MYO1D: variants seen among roughly 807,000 people sequenced by gnomAD.
MYO1D encodes the protein unconventional myosin-Id.
A neutral mutation model predicts 122.0 loss-of-function variants in MYO1D; 83 were observed. The observed-to-expected ratio is 0.68, with a 90% confidence interval of 0.57 to 0.82. MYO1D has a LOEUF of 0.82. Among genes scored for constraint, MYO1D ranks in the 40% least tolerant of loss-of-function variants. The pLI is 0.00. For missense variants in MYO1D, 1,157 were observed against 1,269.5 expected (o/e 0.91, Z 1.35); for synonymous variants, 464 against 446.9 (o/e 1.04, Z -0.48).
rs201872021 is a variant in MYO1D at position 32,498,497 on chromosome 17, G to A, written c.2865-3582C>T. 7.2e-5 allele frequency: 11 copies of A among 152,248 alleles called. No individual in the cohort carries two copies. In the East Asian group the frequency reaches 2.1e-3, roughly 29 times the overall value. 9.4% of individuals were successfully genotyped at this position (152,248 alleles called of 1,614,324 possible). A position where few individuals can be genotyped will look rare whatever the true frequency, so the allele number is the denominator to read the frequency against. On this transcript the variant is annotated intron_variant, in intron 21 of 21. Transcript: ENST00000318217. ...AACCATCAAACCATCTACCCTCCAG[G>A]TGCTCCACAAGGACTGACTCCACCC...
At chr17:32,785,137 C>T (rs2090280823) in intron 1 of MYO1D, among the ~76,000 whole-genome samples, 1 of 152,062 alleles carries the variant, frequency 6.6e-6, no homozygotes, top group South Asian at 2.1e-4. Context: ...ACCTACTGAA[C>T]ATAAGGGACA....
chr17:32,509,637 T>C (rs952917228), intron 21 of MYO1D, among the ~76,000 whole-genome samples: 5 of 151,714 alleles, frequency 3.3e-5, no homozygotes, highest in African/African-American at 9.7e-5. Flanking sequence ...CAGGCTGGAG[T>C]GCAGTGGTGC....
chr17:32,548,384 C>T lies in MYO1D; in HGVS notation c.2865-53469G>A, dbSNP rs556991183. ...AGGAGGTTGCAATGAGCCAAGATCGCGCCACTGCACTCCAGCCTGGGTGAC... is the reference window on the plus strand; with the variant it reads ...AGGAGGTTGCAATGAGCCAAGATCGTGCCACTGCACTCCAGCCTGGGTGAC... On this transcript the variant is annotated intron_variant, in intron 21 of 21. Coordinates refer to ENST00000318217, the MANE Select transcript of MYO1D (RefSeq NM_015194.3). 3.4e-5 allele frequency among the ~76,000 whole-genome samples: 5 copies of T among 148,816 alleles called. No individual in the cohort carries two copies. In the South Asian group the frequency reaches 6.4e-4, roughly 19 times the overall value.
intron 21 of MYO1D, among the ~76,000 whole-genome samples, chr17:32,512,714 C>T (rs79351851): frequency 4.8e-3 from 738 of 152,328 alleles, no homozygotes; most frequent in Non-Finnish European, 8.5e-3. Flanking sequence ...CCTGGTGTAC[C>T]AGGGCTGAAG....
chr17:32,501,192 G>A (rs974099025), intron 21 of MYO1D, among the ~76,000 whole-genome samples: 2 of 152,170 alleles, frequency 1.3e-5, no homozygotes, highest in Non-Finnish European at 2.9e-5. Flanking sequence ...ACAGCCTTGT[G>A]ATGTGATGAT....
intron 7 of MYO1D, 27 bp from the exon 8 acceptor site, chr17:32,765,108 CATT>C (rs781013899): frequency 6.6e-7 from 1 of 1,519,334 alleles, no homozygotes; most frequent in Middle Eastern, 2.2e-4. Context: ...AAAAATAACA[CATT>C]ATGAAACATT....
intron 16 of MYO1D, among the ~76,000 whole-genome samples, chr17:32,696,686 C>T (rs796614831): frequency 6.6e-5 from 10 of 152,234 alleles, no homozygotes; most frequent in African/African-American, 2.2e-4. Context: ...TGTTTGCTTG[C>T]TAGTTACCCA....
At chr17:32,783,792 T>A (rs1437903897) in intron 1 of MYO1D, among the ~76,000 whole-genome samples, 1 of 152,180 alleles carries the variant, frequency 6.6e-6, no homozygotes, top group Non-Finnish European at 1.5e-5. Flanking sequence ...ACTAAAGTAA[T>A]ATAGTCGCTT....
intron 20 of MYO1D, among the ~76,000 whole-genome samples, chr17:32,612,819 A>G (rs1218691470): frequency 6.6e-6 from 1 of 151,440 alleles, no homozygotes; most frequent in Admixed American, 6.6e-5. Context: ...CCCAGGCTGG[A>G]GTGCAGTGGC....
At chr17:32,834,512 A>C (rs2151068867) in intron 1 of MYO1D, among the ~76,000 whole-genome samples, 1 of 152,254 alleles carries the variant, frequency 6.6e-6, no homozygotes, top group South Asian at 2.1e-4. Flanking sequence ...ATTTGTCATC[A>C]AGACCTCTTG....
intron 21 of MYO1D, among the ~76,000 whole-genome samples, chr17:32,527,548 T>G (rs988072471): frequency 1.3e-5 from 2 of 152,194 alleles, no homozygotes; most frequent in African/African-American, 4.8e-5. Context: ...ATCCTAGCAC[T>G]TTGGAAGGCT....
At chr17:32,636,729 T>C (rs2088104502) in intron 20 of MYO1D, among the ~76,000 whole-genome samples, 1 of 152,242 alleles carries the variant, frequency 6.6e-6, no homozygotes, top group African/African-American at 2.4e-5. Context: ...GGAACTGTCT[T>C]GGCCAATGAG....
At chr17:32,790,951 A>T (rs540718933) in intron 1 of MYO1D, among the ~76,000 whole-genome samples, 25 of 152,314 alleles carry the variant, frequency 1.6e-4, no homozygotes, top group Admixed American at 1.3e-3. Context: ...GAAAGTACAA[A>T]ATGAGCTTGG....
chr17:32,671,416 G>A (rs1283274771), intron 16 of MYO1D, among the ~76,000 whole-genome samples: 1 of 152,216 alleles, frequency 6.6e-6, no homozygotes, highest in Non-Finnish European at 1.5e-5. Context: ...ATATGATAAA[G>A]CAAATATAGT....
chr17:32,760,649 A>T (rs745485954), intron 8 of MYO1D, 22 bp from the exon 9 acceptor site: 3 of 1,587,418 alleles, frequency 1.9e-6, no homozygotes, highest in Non-Finnish European at 2.6e-6. Context: ...ATAGCATCAT[A>T]AATGCTTGCC....
chr17:32,703,719 C>G (rs1333125579), intron 16 of MYO1D, among the ~76,000 whole-genome samples: 1 of 152,086 alleles, frequency 6.6e-6, no homozygotes, highest in African/African-American at 2.4e-5. Context: ...ATATTTTAGT[C>G]TGAATGGTTA....
intron 21 of MYO1D, among the ~76,000 whole-genome samples, chr17:32,522,963 C>G (rs1049493080): frequency 1.3e-5 from 2 of 152,134 alleles, no homozygotes; most frequent in African/African-American, 4.8e-5. Flanking sequence ...ACTACAGGTG[C>G]CTGCCACCAT....
chr17:32,630,579 C>CT (rs964832168), intron 20 of MYO1D, among the ~76,000 whole-genome samples: 35 of 145,574 alleles, frequency 2.4e-4, no homozygotes, highest in Middle Eastern at 3.6e-3. Flanking sequence ...GTTGTTCCTC[C>CT]TTTTTTTTTT....
At chr17:32,783,165 A>C (rs77988708) in intron 1 of MYO1D, among the ~76,000 whole-genome samples, 2,217 of 151,900 alleles carry the variant, frequency 0.015, 45 homozygotes, top group African/African-American at 0.048. Flanking sequence ...AACAAAAAAA[A>C]AAAATGAAGA....
Sources: allele counts gnomAD v4.1 joint callset (sites outside exome capture counted in the v4.1 genomes callset), GRCh38; gene constraint gnomAD v4.1.1; transcripts MANE v1.5; gene names NCBI Gene and HGNC (gene_info 2026-07-23, HGNC 2026-07-21).